The following TLN2 variants were observed in gnomAD, a reference collection of about 807,000 sequenced individuals.
TLN2 encodes talin 2.
A neutral mutation model predicts 294.7 loss-of-function variants in TLN2; 118 were observed. The observed-to-expected ratio is 0.40, with a 90% CI of 0.34 to 0.47. The LOEUF (loss-of-function observed/expected upper bound fraction) is 0.47, where lower values mean the gene tolerates loss of function less well. Ranked by LOEUF, TLN2 falls within the 20% of genes least tolerant of loss-of-function variation. The pLI is 0.84. For synonymous variants in TLN2, 1,431 were observed against 1,304.5 expected (o/e 1.10, Z -2.09); for missense variants, 3,083 against 3,282.2 (o/e 0.94, Z 1.48).
intron 43 of TLN2, among the ~76,000 whole-genome samples, chr15:62,779,290 G>A (rs1194384686): frequency 6.6e-6 from 1 of 152,200 alleles, no homozygotes; most frequent in African/African-American, 2.4e-5. Flanking sequence ...ATTCAGTGAG[G>A]TTGGTAGGAT....
intron 1 of TLN2, among the ~76,000 whole-genome samples, chr15:62,421,798 TGTAACCCTGAA>T (rs1442302237): frequency 1.3e-5 from 2 of 152,008 alleles, no homozygotes; most frequent in Non-Finnish European, 2.9e-5. Flanking sequence ...AATTTGCACA[TGTAACCCTGAA>T]CTTAAAAGTT....
chr15:62,395,982 C>T (rs1229387680), intron 1 of TLN2, among the ~76,000 whole-genome samples: 2 of 151,976 alleles, frequency 1.3e-5, no homozygotes, highest in Non-Finnish European at 2.9e-5. Flanking sequence ...ATTACAGGCA[C>T]CCGCCACCAC....
Position 62,707,095 on chromosome 15 carries a change from A to T in TLN2, c.2014A>T (p.Met672Leu). The stretch of plus-strand genomic sequence containing the variant: ...GATTCCCTTTTCTTAGGATGTTTTA[A>T]TGAGTTTGGCCAAAGCTGTTGCCAA... The part of the protein sequence containing the change: ...ETDERFQDVL[M>L]SLAKAVANAA... The change falls in exon 20 of 59, where the codon ATG (methionine) becomes TTG (leucine). Residue 672 changes from methionine (M) to leucine (L), a missense_variant. Transcript: ENST00000636159. 1.2e-6 allele frequency: 2 copies of T among 1,612,308 alleles called. No homozygotes were observed. Among genetic ancestry groups the T allele is most frequent in the Admixed American group, 3.3e-5 (2 of 59,828 alleles).
chr15:62,458,213 C>G (rs1433555509), intron 1 of TLN2, among the ~76,000 whole-genome samples: 1 of 152,118 alleles, frequency 6.6e-6, no homozygotes, highest in African/African-American at 2.4e-5. Flanking sequence ...CCAGTGGGGA[C>G]AAGGCTTACT....
intron 1 of TLN2, among the ~76,000 whole-genome samples, chr15:62,510,243 C>G (rs1421515368): frequency 2.0e-5 from 3 of 152,166 alleles, no homozygotes; most frequent in Non-Finnish European, 2.9e-5. Context: ...CAGAGCATGC[C>G]ATTTTCCTCA....
At chr15:62,504,601 G>A (rs1595959489) in intron 1 of TLN2, among the ~76,000 whole-genome samples, 1 of 152,328 alleles carries the variant, frequency 6.6e-6, no homozygotes, top group East Asian at 1.9e-4. Context: ...AACAAGTGAT[G>A]CTGAAACAGT....
intron 1 of TLN2, among the ~76,000 whole-genome samples, chr15:62,556,793 T>C (rs924657551): frequency 6.6e-6 from 1 of 152,236 alleles, no homozygotes; most frequent in African/African-American, 2.4e-5. Context: ...GCAGGCATCC[T>C]TGTCTTCTTC....
chr15:62,768,474 A>T (rs1333089038), intron 41 of TLN2, among the ~76,000 whole-genome samples: 11 of 152,322 alleles, frequency 7.2e-5, no homozygotes, highest in African/African-American at 2.6e-4. Context: ...AACTCAGGAC[A>T]TTCTTATTTC....
At chr15:62,740,884 G>A (rs1376632283) in intron 32 of TLN2, 115 bp downstream of exon 32, 2 of 1,335,996 alleles carry the variant, frequency 1.5e-6, no homozygotes. Context: ...GCTGTCCTTA[G>A]GTCATGGGAG....
At chr15:62,647,654 T>C (rs929671612) in intron 4 of TLN2, among the ~76,000 whole-genome samples, 5 of 152,240 alleles carry the variant, frequency 3.3e-5, no homozygotes, top group African/African-American at 1.2e-4. Flanking sequence ...TCATTGTCAC[T>C]GTGCCCAGCA....
At chr15:62,457,476 G>A (rs996455180) in intron 1 of TLN2, among the ~76,000 whole-genome samples, 1 of 152,240 alleles carries the variant, frequency 6.6e-6, no homozygotes, top group Admixed American at 6.5e-5. Flanking sequence ...AGGTTTTTGA[G>A]CTGCAGATTC....
At chr15:62,617,012 C>G (rs188537415) in intron 2 of TLN2, among the ~76,000 whole-genome samples, 27 of 152,024 alleles carry the variant, frequency 1.8e-4, no homozygotes, top group Non-Finnish European at 3.4e-4. Context: ...TCTAATAGCT[C>G]TAATAGAAAA....
chr15:62,834,555 C>T lies in TLN2; in HGVS notation c.7128+926C>T, dbSNP rs1489453695. ...AAGTCTTTTGTGAGCTTAGCCATGG[C>T]TTAAGTCCAGTCCACATACCTTGAA... On this transcript the variant is annotated intron_variant, in intron 55 of 58. Coordinates refer to ENST00000636159, the MANE Select transcript of TLN2 (RefSeq NM_015059.3). 4 of 152,150 alleles carry T rather than the reference C, an allele frequency of 2.6e-5. No individual in the cohort carries two copies. In the East Asian group the frequency reaches 7.7e-4, roughly 29 times the overall value. The allele number at this position is 152,150 out of a possible 1,614,324, so 9.4% of individuals were successfully genotyped here. A position where few individuals can be genotyped will look rare whatever the true frequency, so the allele number is the denominator to read the frequency against.
At chr15:62,415,530 A>T (rs1259947213) in intron 1 of TLN2, among the ~76,000 whole-genome samples, 1 of 102,430 alleles carries the variant, frequency 9.8e-6, no homozygotes, top group Non-Finnish European at 2.0e-5. Flanking sequence ...GATAGGATTT[A>T]CTTTGACTTT....
chr15:62,750,118 A>G (rs888485715), intron 33 of TLN2, among the ~76,000 whole-genome samples: 40 of 152,218 alleles, frequency 2.6e-4, no homozygotes, highest in African/African-American at 8.9e-4. Context: ...TTTAAATGCC[A>G]TCCTTCTGTG....
At chr15:62,788,179 G>A (rs889713226) in intron 45 of TLN2, among the ~76,000 whole-genome samples, 12 of 151,564 alleles carry the variant, frequency 7.9e-5, no homozygotes, top group African/African-American at 2.9e-4. Context: ...GGCATGGTGG[G>A]GGGTGCCTGT....
intron 2 of TLN2, among the ~76,000 whole-genome samples, chr15:62,590,703 G>A (rs116094577): frequency 0.015 from 2,243 of 152,152 alleles, 61 homozygotes; most frequent in African/African-American, 0.052. Context: ...TGGTTGTCCT[G>A]GGGGGGTTGT....
intron 24 of TLN2, 71 bp from the exon 25 acceptor site, chr15:62,719,696 G>T: frequency 2.3e-6 from 3 of 1,302,452 alleles, no homozygotes; most frequent in Non-Finnish European, 2.1e-6. Flanking sequence ...GCGCACTTGG[G>T]TCATGGTCTA....
intron 1 of TLN2, among the ~76,000 whole-genome samples, chr15:62,498,102 C>T (rs1481156750): frequency 1.4e-5 from 2 of 141,668 alleles, no homozygotes; most frequent in South Asian, 2.2e-4. Context: ...AAAAATTAGC[C>T]GTGATCATGC....
Sources: gnomAD v4.1 joint callset for allele counts (sites outside exome capture counted in the v4.1 genomes callset) on GRCh38, gnomAD v4.1.1 for gene constraint, MANE v1.5 for transcripts, NCBI Gene and HGNC (gene_info 2026-07-23, HGNC 2026-07-21) for gene names.